The following SGMS1 variants were observed in gnomAD, a reference collection of about 807,000 sequenced individuals.
SGMS1 encodes phosphatidylcholine:ceramide cholinephosphotransferase 1.
SGMS1 carries 13 observed loss-of-function variants against 46.2 expected under a neutral mutation model. The ratio of observed to expected loss-of-function variants is 0.28; its 90% CI spans 0.18 to 0.45. The LOEUF is 0.45. SGMS1 is among the 20% of genes least tolerant of loss of function. The pLI, the probability that SGMS1 is intolerant of heterozygous loss-of-function variation, is 1.00. For missense variants in SGMS1, 324 were observed against 519.9 expected (o/e 0.62, Z 3.66); for synonymous variants, 203 against 187.8 (o/e 1.08, Z -0.66).
intron 6 of SGMS1, among the ~76,000 whole-genome samples, chr10:50,416,728 G>C (rs1024265123): frequency 1.3e-5 from 2 of 149,882 alleles, no homozygotes; most frequent in African/African-American, 4.9e-5. Flanking sequence ...CTATGAGCTT[G>C]AAAACAGTGT....
chr10:50,587,349 C>T (rs1838493332), intron 2 of SGMS1, among the ~76,000 whole-genome samples: 1 of 152,164 alleles, frequency 6.6e-6, no homozygotes, highest in African/African-American at 2.4e-5. Flanking sequence ...AAATATATGT[C>T]ATTGGCCGGG....
chr10:50,584,166 A>T (rs1241314125), intron 2 of SGMS1, among the ~76,000 whole-genome samples: 1 of 152,190 alleles, frequency 6.6e-6, no homozygotes, highest in African/African-American at 2.4e-5. Context: ...TTAAACACAA[A>T]AAGTAGAAGA....
chr10:50,322,683 T>C (rs1048230181), intron 8 of SGMS1, among the ~76,000 whole-genome samples: 4 of 147,694 alleles, frequency 2.7e-5, no homozygotes, highest in African/African-American at 1.0e-4. Context: ...ATACAAAAAA[T>C]TAGCCGGGCG....
At chr10:50,537,611 C>G (rs1444417485) in intron 2 of SGMS1, among the ~76,000 whole-genome samples, 2 of 150,782 alleles carry the variant, frequency 1.3e-5, no homozygotes, top group Non-Finnish European at 3.0e-5. Context: ...CCCCGCCACC[C>G]CCTGCCCGCC....
intron 1 of SGMS1, among the ~76,000 whole-genome samples, chr10:50,615,565 C>G (rs960556106): frequency 4.6e-5 from 7 of 152,154 alleles, no homozygotes; most frequent in African/African-American, 1.7e-4. Context: ...AGGGTCAGGG[C>G]TCTTCACCAC....
At chr10:50,571,404 T>G (rs1838335324) in intron 2 of SGMS1, among the ~76,000 whole-genome samples, 1 of 152,182 alleles carries the variant, frequency 6.6e-6, no homozygotes, top group African/African-American at 2.4e-5. Flanking sequence ...CTCAGAAGGA[T>G]ATTAACTAAG....
chr10:50,478,988 G>T (rs1178472039), intron 3 of SGMS1, among the ~76,000 whole-genome samples: 1 of 147,188 alleles, frequency 6.8e-6, no homozygotes, highest in Non-Finnish European at 1.5e-5. Flanking sequence ...CTTTTCAGGG[G>T]CCATCCACCC....
intron 3 of SGMS1, among the ~76,000 whole-genome samples, chr10:50,475,555 T>C (rs1029698100): frequency 1.3e-5 from 2 of 152,192 alleles, no homozygotes; most frequent in African/African-American, 4.8e-5. Flanking sequence ...AACTGGTCCA[T>C]GTTATTTGGA....
chr10:50,603,093 T>A (rs1297066916), intron 1 of SGMS1, among the ~76,000 whole-genome samples: 2 of 152,208 alleles, frequency 1.3e-5, no homozygotes, highest in African/African-American at 4.8e-5. Context: ...CAGAAAAACA[T>A]AACCACATTC....
chr10:50,610,583 T>C (rs1367116359), intron 1 of SGMS1, among the ~76,000 whole-genome samples: 1 of 152,176 alleles, frequency 6.6e-6, no homozygotes, highest in African/African-American at 2.4e-5. Context: ...CTGAGGCCCC[T>C]ATGGAAACCT....
chr10:50,601,813 T>C (rs1838652616), intron 1 of SGMS1, among the ~76,000 whole-genome samples: 2 of 152,248 alleles, frequency 1.3e-5, no homozygotes, highest in African/African-American at 4.8e-5. Context: ...CCTAATGAGA[T>C]ATTTTGGGAA....
At position 50,343,728 on chromosome 10, in the gene SGMS1, G is replaced by T. The variant is rs753036931; in HGVS notation, c.387C>A (p.Pro129=). The part of the protein sequence containing the change: ...PMPELERSQY[P]MEWGKTFLAF... ...CCAGAAAAGTCTTGCCCCACTCCAT[G>T]GGGTACTGAGAGCGCTCCAGTTCTG... The change falls in exon 7 of 11, where the codon CCC becomes CCA. Residue 129 remains proline, a synonymous_variant. Transcript: ENST00000361781. The T allele has an allele frequency of 6.2e-6, 10 of 1,614,022 alleles. No homozygotes were observed. Among genetic ancestry groups the T allele is most frequent in the Admixed American group, 3.3e-5 (2 of 59,992 alleles).
chr10:50,520,961 C>T (rs1837852484), intron 2 of SGMS1, among the ~76,000 whole-genome samples: 2 of 151,790 alleles, frequency 1.3e-5, no homozygotes, highest in South Asian at 2.1e-4. Context: ...TCATGGCTCA[C>T]TGCAGCCCAT....
At chr10:50,611,489 T>A (rs1319351552) in intron 1 of SGMS1, among the ~76,000 whole-genome samples, 1 of 152,228 alleles carries the variant, frequency 6.6e-6, no homozygotes, top group Non-Finnish European at 1.5e-5. Context: ...CAGTTCCTGT[T>A]ATCTAGAAGA....
intron 3 of SGMS1, among the ~76,000 whole-genome samples, chr10:50,476,082 T>C (rs971072136): frequency 5.2e-5 from 6 of 115,856 alleles, no homozygotes; most frequent in African/African-American, 2.0e-4. Context: ...TAAAATCTTG[T>C]CTTTACTAAA....
At position 50,530,479 on chromosome 10, in the gene SGMS1, G is replaced by A. The variant is rs77309518; in HGVS notation, c.-588-10558C>T. Among the ~76,000 whole-genome samples, 692 of 152,304 alleles carry A rather than the reference G, an allele frequency of 4.5e-3. 14 individuals carry two copies. The East Asian group carries it at 0.051, about 11-fold the overall frequency. On this transcript the variant is annotated intron_variant, in intron 2 of 10. Transcript: ENST00000361781. ...AAAGGGCTTTCCACCGAAGTACTGAGAAGCAGAATCTTCTTTTTTTAGAGA... is the reference window on the plus strand; with the variant it reads ...AAAGGGCTTTCCACCGAAGTACTGAAAAGCAGAATCTTCTTTTTTTAGAGA...
chr10:50,389,085 ACAT>A (rs1848727631), intron 6 of SGMS1, among the ~76,000 whole-genome samples: 1 of 152,304 alleles, frequency 6.6e-6, no homozygotes, highest in Admixed American at 6.5e-5. Flanking sequence ...GTAGCCTATA[ACAT>A]CATGTCATAT....
intron 2 of SGMS1, among the ~76,000 whole-genome samples, chr10:50,528,789 G>A (rs538947907): frequency 6.6e-6 from 1 of 152,166 alleles, no homozygotes. Context: ...GAGCCCAGGA[G>A]GCTGAGGCTG....
intron 8 of SGMS1, among the ~76,000 whole-genome samples, chr10:50,326,649 T>C (rs1847536770): frequency 6.6e-6 from 1 of 152,194 alleles, no homozygotes; most frequent in African/African-American, 2.4e-5. Flanking sequence ...GAGTGTCATT[T>C]GAATCTGATG....
Sources: allele counts gnomAD v4.1 joint callset (sites outside exome capture counted in the v4.1 genomes callset), GRCh38; gene constraint gnomAD v4.1.1; transcripts MANE v1.5; gene names NCBI Gene and HGNC (gene_info 2026-07-23, HGNC 2026-07-21).